The following CHLSN variants were observed in gnomAD, a reference collection of about 807,000 sequenced individuals.
The protein encoded by CHLSN is cholesin.
chr7:998,090 C>T, the CHLSN span, among the ~76,000 whole-genome samples: 5 of 152,192 alleles, frequency 3.3e-5, no homozygotes, highest in Non-Finnish European at 5.9e-5. Flanking sequence ...CGAGAAAATA[C>T]GACACAAATT....
At chr7:1,008,813 C>T in the CHLSN span, among the ~76,000 whole-genome samples, 34 of 116,764 alleles carry the variant, frequency 2.9e-4, no homozygotes, top group Non-Finnish European at 4.4e-4. Context: ...TACATGTACA[C>T]ACGCACATAT....
chr7:987,311 G>T, the CHLSN span: 1 of 1,535,920 alleles, frequency 6.5e-7, no homozygotes, highest in Non-Finnish European at 8.8e-7. Context: ...GACGAGGGAT[G>T]GCGCTGCCAC....
At chr7:1,052,836 G>A in the CHLSN span, among the ~76,000 whole-genome samples, 42 of 152,240 alleles carry the variant, frequency 2.8e-4, no homozygotes, top group African/African-American at 8.7e-4. This position sits in a 1 kb window ranked among gnomAD's most constrained non-coding sequence, Gnocchi z 4.2. Context: ...GGGGGCAGGC[G>A]GCCCTTCTCT....
At chr7:1,059,797 A>G in the CHLSN span, among the ~76,000 whole-genome samples, 294 of 12,690 alleles carry the variant, frequency 0.023, 3 homozygotes, top group Admixed American at 0.028. Flanking sequence ...GGTCTTAGGC[A>G]GGCCCGTAGT....
chr7:979,609 G>C, the CHLSN span, among the ~76,000 whole-genome samples: 57 of 152,052 alleles, frequency 3.7e-4, 1 homozygote, highest in Non-Finnish European at 3.2e-4. Context: ...AAAATTAGCC[G>C]GGCGTGGTGG....
chr7:1,083,541 C>T, the CHLSN span, among the ~76,000 whole-genome samples: 3 of 151,556 alleles, frequency 2.0e-5, no homozygotes, highest in Non-Finnish European at 2.9e-5. Flanking sequence ...GGCAGGAGAA[C>T]GGTGTGAACC....
chr7:1,030,759 C>T, the CHLSN span, among the ~76,000 whole-genome samples: 11 of 150,424 alleles, frequency 7.3e-5, no homozygotes, highest in African/African-American at 1.2e-4. Flanking sequence ...TCCCGGGGCA[C>T]GCGGGGACTC....
At chr7:986,357 C>A in the CHLSN span, 1 of 530,324 alleles carries the variant, frequency 1.9e-6, no homozygotes, top group East Asian at 3.4e-5. Context: ...ACTGTGGCAG[C>A]TGCCTCCCTC....
chr7:994,322 A>G, the CHLSN span, among the ~76,000 whole-genome samples: 3 of 151,226 alleles, frequency 2.0e-5, no homozygotes, highest in South Asian at 2.1e-4. Context: ...CACCACACCC[A>G]GCTAATTTTT....
At chr7:986,317 A>T in the CHLSN span, 1 of 411,502 alleles carries the variant, frequency 2.4e-6, no homozygotes, top group Non-Finnish European at 4.4e-6. Context: ...CTTCCATTCC[A>T]TGACTCACAG....
At chr7:1,085,231 C>T in the CHLSN span, among the ~76,000 whole-genome samples, 1 of 152,236 alleles carries the variant, frequency 6.6e-6, no homozygotes, top group African/African-American at 2.4e-5. Flanking sequence ...CCTTGAAGTT[C>T]TTTCCTTTTA....
chr7:1,064,050 A>G, the CHLSN span, among the ~76,000 whole-genome samples: 85 of 152,242 alleles, frequency 5.6e-4, no homozygotes, highest in Middle Eastern at 3.4e-3. Context: ...AGTCACTTCA[A>G]CATCTCGAAC....
the CHLSN span, among the ~76,000 whole-genome samples, chr7:1,132,779 C>G: frequency 6.7e-6 from 1 of 148,564 alleles, no homozygotes; most frequent in East Asian, 2.0e-4. Context: ...ACACTAGTAA[C>G]TAGAATATAT....
the CHLSN span, among the ~76,000 whole-genome samples, chr7:1,008,659 C>T: frequency 2.6e-5 from 4 of 152,154 alleles, no homozygotes; most frequent in Non-Finnish European, 5.9e-5. Context: ...CTGAGCCCGG[C>T]GCTGAGCCTG....
the CHLSN span, chr7:987,548 C>T: frequency 6.7e-7 from 1 of 1,503,612 alleles, no homozygotes; most frequent in Non-Finnish European, 8.9e-7. Context: ...CTGGGCCTCC[C>T]TTGCCCCTTC....
chr7:991,850 C>T, the CHLSN span, among the ~76,000 whole-genome samples: 2 of 152,326 alleles, frequency 1.3e-5, no homozygotes, highest in Middle Eastern at 3.4e-3. Context: ...TAAACACCCA[C>T]TCCGAGTCCC....
the CHLSN span, among the ~76,000 whole-genome samples, chr7:1,105,611 C>G: frequency 6.6e-6 from 1 of 152,228 alleles, no homozygotes; most frequent in Non-Finnish European, 1.5e-5. Flanking sequence ...CCAAATATTT[C>G]TCTTTATTTT....
the CHLSN span, among the ~76,000 whole-genome samples, chr7:1,019,113 A>G: frequency 1.4e-5 from 2 of 145,048 alleles, no homozygotes; most frequent in South Asian, 4.5e-4. Flanking sequence ...AACTGCTTGA[A>G]CCCGCGGGGG....
chr7:1,052,460 C>T, the CHLSN span, among the ~76,000 whole-genome samples: 11 of 152,040 alleles, frequency 7.2e-5, no homozygotes, highest in Admixed American at 2.6e-4. This position sits in a 1 kb window ranked among gnomAD's most constrained non-coding sequence, Gnocchi z 4.2. Context: ...CTGGTGGTAA[C>T]AGTGGGAGGT....
Sources: gnomAD v4.1 joint callset for allele counts (sites outside exome capture counted in the v4.1 genomes callset) on GRCh38, gnomAD v4.1.1 for gene constraint, Gnocchi (gnomAD v3.1) non-coding constraint, MANE v1.5 for transcripts, NCBI Gene and HGNC (gene_info 2026-07-23, HGNC 2026-07-21) for gene names.